PPP2CA: variants seen among roughly 807,000 people sequenced by gnomAD.
PPP2CA encodes serine/threonine-protein phosphatase 2A catalytic subunit alpha isoform.
Under a neutral mutation model 38.8 loss-of-function variants are expected in PPP2CA, and 5 were observed. The ratio of observed to expected loss-of-function variants is 0.13; its 90% CI spans 0.07 to 0.27. The LOEUF (loss-of-function observed/expected upper bound fraction) is 0.27. PPP2CA is among the 10% of genes least tolerant of loss of function. The pLI is 1.00. For missense variants in PPP2CA, 88 were observed against 389.7 expected (o/e 0.23, Z 6.52); for synonymous variants, 152 against 134.0 (o/e 1.13, Z -0.93).
At chr5:134,219,893 C>T (rs1030924665) in intron 1 of PPP2CA, among the ~76,000 whole-genome samples, 1 of 151,426 alleles carries the variant, frequency 6.6e-6, no homozygotes, top group Non-Finnish European at 1.5e-5. Flanking sequence ...TGCCTGTAAT[C>T]CCAGCTACTC....
intron 2 of PPP2CA, among the ~76,000 whole-genome samples, chr5:134,203,252 T>C (rs1762006005): frequency 6.6e-6 from 1 of 152,242 alleles, no homozygotes; most frequent in South Asian, 2.1e-4. Flanking sequence ...AAAGATTTTC[T>C]GATTTATTCT....
chr5:134,215,893 A>T (rs1320631765), intron 1 of PPP2CA, among the ~76,000 whole-genome samples: 1 of 152,206 alleles, frequency 6.6e-6, no homozygotes, highest in Non-Finnish European at 1.5e-5. Flanking sequence ...TTATTCTTCA[A>T]ATCTTAGGAC....
chr5:134,203,473 AC>A (rs1452364711), intron 2 of PPP2CA: 1 of 152,224 alleles, frequency 6.6e-6, no homozygotes, highest in Admixed American at 6.5e-5. Context: ...AGGTGTCAGC[AC>A]AGTTGGTTTC....
At position 134,208,127 on chromosome 5, in the gene PPP2CA, GCAAA is replaced by G. The variant is rs546589731; in HGVS notation, c.103-2000_103-1997del. ...GAAGTTTTAAAAGGGCATGACATAA[GCAAA>G]CAGATGGTTATATACCATGTAAATC... On this transcript the variant is annotated intron_variant, in intron 1 of 6. Transcript: ENST00000481195. Among the ~76,000 whole-genome samples, 888 of 152,224 alleles carry G rather than the reference GCAAA, an allele frequency of 5.8e-3. 6 individuals are homozygous for G. The highest frequency in any genetic ancestry group is 0.021 in the African/African-American group (853 of 41,520).
rs1022001548 is a variant in PPP2CA, at chr5:134,194,970, C to G, written c.*2802G>C. On this transcript the variant is annotated 3_prime_UTR_variant, in exon 7 of 7. Transcript: ENST00000481195. Reference sequence around the variant, plus strand: ...AACTTAAAAAATGTATGCCTGGGCCCTCCTCCAGCAATTTAAATCAGAATC... The same window carrying G: ...AACTTAAAAAATGTATGCCTGGGCCGTCCTCCAGCAATTTAAATCAGAATC... 1 of 152,152 alleles carries G rather than the reference C, an allele frequency of 6.6e-6. No homozygotes were observed. The highest frequency in any genetic ancestry group is 2.4e-5 in the African/African-American group (1 of 41,426). 9.4% of individuals were successfully genotyped at this position (152,152 alleles called of 1,614,324 possible).
At chr5:134,202,191 A>G in intron 2 of PPP2CA, 170 bp from the exon 3 acceptor site, 1 of 597,846 alleles carries the variant, frequency 1.7e-6, no homozygotes, top group Non-Finnish European at 2.7e-6. Flanking sequence ...TTAAATGCCC[A>G]TGGGGTGTTT....
chr5:134,223,150 C>T (rs962969389), intron 1 of PPP2CA, among the ~76,000 whole-genome samples: 14 of 152,072 alleles, frequency 9.2e-5, no homozygotes, highest in African/African-American at 3.1e-4. Context: ...AAGAAATTAT[C>T]AACTATTAAC....
Position 134,198,986 on chromosome 5 carries a change from C to G in PPP2CA, c.857+100G>C. ...ATCACTTCAGCCTAGGAGTTCGAGA[C>G]AAGACTGGGCAATATAGTGACACCC... On this transcript the variant is annotated intron_variant, in intron 6 of 6. Transcript: ENST00000481195. 7 of 934,664 alleles carry G rather than the reference C, an allele frequency of 7.5e-6. No homozygotes were observed. The Admixed American group carries it at 1.4e-4, about 18-fold the overall frequency. 57.9% of individuals were successfully genotyped at this position (934,664 alleles called of 1,614,324 possible). A position where few individuals can be genotyped will look rare whatever the true frequency, so the allele number is the denominator to read the frequency against.
At chr5:134,219,055 C>T (rs1180391338) in intron 1 of PPP2CA, among the ~76,000 whole-genome samples, 1 of 152,166 alleles carries the variant, frequency 6.6e-6, no homozygotes, top group African/African-American at 2.4e-5. Flanking sequence ...TTAAGTAAAG[C>T]CAGCCAAAAG....
intron 3 of PPP2CA, 125 bp downstream of exon 3, chr5:134,201,723 G>T: frequency 1.9e-6 from 2 of 1,053,612 alleles, no homozygotes; most frequent in Non-Finnish European, 2.7e-6. Flanking sequence ...TTGAATGAAT[G>T]CTATCAATAT....
At chr5:134,204,575 C>T (rs1225539051) in intron 2 of PPP2CA, among the ~76,000 whole-genome samples, 3 of 152,166 alleles carry the variant, frequency 2.0e-5, no homozygotes, top group Admixed American at 6.5e-5. Flanking sequence ...ATCCTCCCAC[C>T]TCAGCTTCCT....
chr5:134,205,377 T>G (rs934549408), intron 2 of PPP2CA, among the ~76,000 whole-genome samples: 4 of 124,408 alleles, frequency 3.2e-5, no homozygotes, highest in African/African-American at 1.3e-4. Flanking sequence ...CCCTCTAACA[T>G]TTTTCTTTTC....
chr5:134,213,988 G>A (rs1762263810), intron 1 of PPP2CA, among the ~76,000 whole-genome samples: 1 of 152,126 alleles, frequency 6.6e-6, no homozygotes, highest in South Asian at 2.1e-4. Context: ...AATCAGCCAG[G>A]TAAGATGGCA....
chr5:134,219,566 G>A (rs1762392805), intron 1 of PPP2CA, among the ~76,000 whole-genome samples: 1 of 152,136 alleles, frequency 6.6e-6, no homozygotes, highest in South Asian at 2.1e-4. Context: ...GGCAACACAG[G>A]GTGCAAGAGG....
chr5:134,200,969 C>A lies in PPP2CA; in HGVS notation c.576+16G>T. Reference sequence around the variant, plus strand: ...AATAAGTTTTCTGAAAGAATTTTATCAAATAAAAGTCATACCTCATGGGGA... The same window carrying A: ...AATAAGTTTTCTGAAAGAATTTTATAAAATAAAAGTCATACCTCATGGGGA... On this transcript the variant is annotated intron_variant, in intron 4 of 6. Transcript: ENST00000481195. 1 of 1,567,978 alleles carries A rather than the reference C, an allele frequency of 6.4e-7. No homozygotes were observed. Among genetic ancestry groups the A allele is most frequent in the Non-Finnish European group, 8.8e-7 (1 of 1,138,608 alleles).
At chr5:134,202,613 T>C (rs1761991540) in intron 2 of PPP2CA, 1 of 152,242 alleles carries the variant, frequency 6.6e-6, no homozygotes, top group African/African-American at 2.4e-5. Flanking sequence ...ATTTTTTGTT[T>C]CTCTATTCAC....
chr5:134,200,739 A>G (rs998751383), intron 4 of PPP2CA, among the ~76,000 whole-genome samples: 3 of 152,216 alleles, frequency 2.0e-5, no homozygotes, highest in African/African-American at 4.8e-5. Context: ...TAATCTGCCT[A>G]TATTATGCAA....
chr5:134,196,470 C>G lies in PPP2CA; in HGVS notation c.*1302G>C, dbSNP rs2149381831. ...CCATTTTTGTCTTCGGGTGAATGTA[C>G]ATAAGACTAAATCATGATCCAACAA... On this transcript the variant is annotated 3_prime_UTR_variant, in exon 7 of 7. Transcript: ENST00000481195. 6.6e-6 allele frequency: 1 copy of G among 152,304 alleles called. No individual in the cohort carries two copies. Among genetic ancestry groups the G allele is most frequent in the South Asian group, 2.1e-4 (1 of 4,834 alleles). The allele number at this position is 152,304 out of a possible 1,614,324, so 9.4% of individuals were successfully genotyped here. A position where few individuals can be genotyped will look rare whatever the true frequency, so the allele number is the denominator to read the frequency against.
At chr5:134,203,532 T>C (rs1561735603) in intron 2 of PPP2CA, 1 of 152,270 alleles carries the variant, frequency 6.6e-6, no homozygotes, top group Non-Finnish European at 1.5e-5. Context: ...CTTCTCCATC[T>C]GTCTTATCTT....
Sources: gnomAD v4.1 joint callset for allele counts (sites outside exome capture counted in the v4.1 genomes callset) on GRCh38, gnomAD v4.1.1 for gene constraint, MANE v1.5 for transcripts, NCBI Gene and HGNC (gene_info 2026-07-23, HGNC 2026-07-21) for gene names.